Variants in SNAP47 observed in about 807,000 individuals in gnomAD.
SNAP47 encodes the protein synaptosomal-associated protein 47.
In SNAP47, 20 loss-of-function variants were observed where a neutral mutation model predicts 31.4. The ratio of observed to expected loss-of-function variants is 0.64; its 90% CI spans 0.45 to 0.93. The LOEUF (loss-of-function observed/expected upper bound fraction) is 0.93. Among genes scored for constraint, SNAP47 ranks in the 40% least tolerant of loss-of-function variants. The pLI, the probability that SNAP47 is intolerant of heterozygous loss-of-function variation, is 0.00. For synonymous variants in SNAP47, 194 were observed against 213.4 expected, an observed-to-expected ratio of 0.91 and a Z score of 0.79; for missense variants, 492 against 528.5, an observed-to-expected ratio of 0.93 and a Z score of 0.68.
chr1:227,777,289 A>G (rs7522634), intron 4 of SNAP47: 134,971 of 218,218 alleles, frequency 0.62, 44,760 homozygotes, highest in African/African-American at 0.9. Flanking sequence ...TTGGGCACGC[A>G]CCACTCAGCC....
chr1:227,773,551 T>C (rs1473721618), intron 4 of SNAP47, among the ~76,000 whole-genome samples: 1 of 152,248 alleles, frequency 6.6e-6, no homozygotes, highest in Non-Finnish European at 1.5e-5. Flanking sequence ...CAGTCATGCC[T>C]AAGCCTTCAC....
upstream of SNAP47, chr1:227,734,636 C>T (rs1660938417): frequency 6.2e-7 from 1 of 1,613,454 alleles, no homozygotes; most frequent in Non-Finnish European, 8.5e-7. Context: ...CTCGGTGCGT[C>T]CCAAGCCCCA....
At chr1:227,734,194 G>C, upstream of SNAP47, 1 of 764,392 alleles carries the variant, frequency 1.3e-6, no homozygotes, top group Non-Finnish European at 2.1e-6. Context: ...CGCTGCTGGC[G>C]GGGGAGGGGG....
At chr1:227,751,180 G>T (rs1031052120) in intron 2 of SNAP47, among the ~76,000 whole-genome samples, 1 of 152,164 alleles carries the variant, frequency 6.6e-6, no homozygotes, top group South Asian at 2.1e-4. Flanking sequence ...AGAAGAGCCC[G>T]CCCTGTGTCG....
Position 227,767,021 on chromosome 1 carries a change from G to A in SNAP47, c.1051G>A (p.Ala351Thr). 2.5e-6 allele frequency: 4 copies of A among 1,614,056 alleles called. No homozygotes were observed. Among genetic ancestry groups the A allele is most frequent in the Admixed American group, 3.3e-5 (2 of 60,028 alleles). The change falls in exon 4 of 5, where the codon GCA becomes ACA. Residue 351 changes from alanine (A) to threonine (T), a missense_variant. Ala to Thr is a moderately conservative substitution (Grantham distance 58). Transcript: ENST00000617596. ...EPPAGDQEGT[A>T]LHLQTSLPAL... ...ACCCGCAGGAGACCAGGAGGGCACA[G>A]CACTGCACCTGCAGACAAGCCTGCC...
At chr1:227,771,953 C>T (rs115157278) in intron 4 of SNAP47, among the ~76,000 whole-genome samples, 134 of 152,212 alleles carry the variant, frequency 8.8e-4, no homozygotes, top group Admixed American at 2.5e-3. Context: ...CCTGACAAGC[C>T]CTCCCAAGGC....
At position 227,759,356 on chromosome 1, in the gene SNAP47, A is replaced by G. The variant is rs1662917124; in HGVS notation, c.859A>G (p.Met287Val). Residue 287 changes from methionine (M) to valine (V), a missense_variant, in exon 3 of 5, where the codon ATG becomes GTG. Met to Val is a conservative substitution (Grantham distance 21, BLOSUM62 1). Coordinates refer to ENST00000617596, the MANE Select transcript of SNAP47 (RefSeq NM_053052.4). Reference protein sequence around the residue: ...DMAYRLISAKMPEVIPILEVQ... With the variant: ...DMAYRLISAKVPEVIPILEVQ... The stretch of plus-strand genomic sequence containing the variant: ...GGCCTATCGTTTGATATCTGCCAAG[A>G]TGCCAGAGGTTATCCCCATTTTAGA... The G allele has an allele frequency of 6.2e-7, 1 of 1,614,246 alleles. No individual in the cohort carries two copies. Among genetic ancestry groups the G allele is most frequent in the Non-Finnish European group, 8.5e-7 (1 of 1,180,046 alleles).
chr1:227,737,426 GA>G (rs1661295652), intron 1 of SNAP47, among the ~76,000 whole-genome samples: 2 of 152,210 alleles, frequency 1.3e-5, no homozygotes, highest in South Asian at 4.1e-4. Flanking sequence ...GTTAGGTTTG[GA>G]GGTCTGATGA....
rs555482835 is a variant in SNAP47 at position 227,735,607 on chromosome 1, C to T, written c.-46+108C>T. On this transcript the variant is annotated intron_variant, in intron 1 of 4. Transcript: ENST00000617596. ...CTGACACAGCCCGAGCCCTCCTTCC[C>T]GCATCCCCGGGGGGTGGGGGGTATG... The T allele has an allele frequency of 2.1e-5, 28 of 1,323,768 alleles. No individual in the cohort carries two copies. In the African/African-American group the frequency reaches 4.0e-4, roughly 19 times the overall value. The allele number at this position is 1,323,768 out of a possible 1,614,324, so 82.0% of individuals were successfully genotyped here.
chr1:227,735,288 G>A (rs1424280144), upstream of SNAP47: 4 of 1,605,940 alleles, frequency 2.5e-6, no homozygotes, highest in African/African-American at 1.3e-5. Flanking sequence ...CTCAGCACGG[G>A]TCGAAGGACC....
intron 4 of SNAP47, among the ~76,000 whole-genome samples, chr1:227,779,659 T>G (rs1026375226): frequency 5.4e-4 from 83 of 152,316 alleles, no homozygotes; most frequent in African/African-American, 1.7e-3. Flanking sequence ...CATTGTCAGG[T>G]GGGCATATGA....
intron 2 of SNAP47, among the ~76,000 whole-genome samples, chr1:227,748,774 C>T (rs999884798): frequency 6.6e-6 from 1 of 152,218 alleles, no homozygotes; most frequent in Admixed American, 6.5e-5. Context: ...TGGTGACAGT[C>T]TCTGTGAGTG....
At chr1:227,749,797 TTCTG>T (rs1662225943) in intron 2 of SNAP47, among the ~76,000 whole-genome samples, 2 of 124,862 alleles carry the variant, frequency 1.6e-5, no homozygotes, top group East Asian at 2.1e-4. Context: ...GTCTGTGTGT[TTCTG>T]TTTGTGTCTG....
chr1:227,766,515 G>A (rs1214133502), intron 3 of SNAP47, among the ~76,000 whole-genome samples: 2 of 152,174 alleles, frequency 1.3e-5, no homozygotes, highest in South Asian at 2.1e-4. Context: ...CACCTCGGTG[G>A]CGCAGACGTG....
At chr1:227,773,198 T>C (rs539254142) in intron 4 of SNAP47, among the ~76,000 whole-genome samples, 1 of 148,198 alleles carries the variant, frequency 6.7e-6, no homozygotes, top group African/African-American at 2.5e-5. Context: ...CTTGAACTCC[T>C]GGGCTCAAGC....
chr1:227,739,156 G>A (rs2102889930), intron 1 of SNAP47, among the ~76,000 whole-genome samples: 1 of 152,238 alleles, frequency 6.6e-6, no homozygotes, highest in South Asian at 2.1e-4. Context: ...TACTCCATTA[G>A]GATGGTTTTT....
In SNAP47 at chr1:227,747,803, G is replaced by T. The variant is rs747504970; in HGVS notation, c.67G>T (p.Val23Phe). Residue 23 changes from valine to phenylalanine, a missense_variant, in exon 2 of 5, where the codon GTT becomes TTT. Transcript: ENST00000617596. The part of the protein sequence containing the change: ...TYYLEPKRRW[V>F]TGQLSLTSLS... ...CTACCTGGAGCCCAAGAGGCGATGG[G>T]TTACTGGACAGCTGTCCTTAACATC... 6.2e-7 allele frequency: 1 copy of T among 1,614,200 alleles called. No homozygotes were observed. Among genetic ancestry groups the T allele is most frequent in the Non-Finnish European group, 8.5e-7 (1 of 1,180,022 alleles).
intron 4 of SNAP47, among the ~76,000 whole-genome samples, chr1:227,773,652 T>A (rs930414109): frequency 6.6e-6 from 1 of 152,246 alleles, no homozygotes; most frequent in Non-Finnish European, 1.5e-5. Flanking sequence ...CGTATCTTTA[T>A]GCTGCACATT....
In SNAP47 at chr1:227,752,379, G is replaced by A. The variant is rs191612565; in HGVS notation, c.497+4146G>A. Reference sequence around the variant, plus strand: ...AGAGCTCATTCATCCCGTAACTGAAGCTGGTGCCCTTGGCCACTCTCTCCC... The same window carrying A: ...AGAGCTCATTCATCCCGTAACTGAAACTGGTGCCCTTGGCCACTCTCTCCC... On this transcript the variant is annotated intron_variant, in intron 2 of 4. Transcript: ENST00000617596. Among the ~76,000 whole-genome samples, 373 of 152,198 alleles carry A rather than the reference G, an allele frequency of 2.5e-3. 2 individuals are homozygous for A. Among genetic ancestry groups the A allele is most frequent in the Non-Finnish European group, 3.9e-3 (262 of 68,014 alleles).
Sources: allele counts gnomAD v4.1 joint callset (sites outside exome capture counted in the v4.1 genomes callset), GRCh38; gene constraint gnomAD v4.1.1; transcripts MANE v1.5; gene names NCBI Gene and HGNC (gene_info 2026-07-23, HGNC 2026-07-21).